Variants in RFTN1 observed in about 807,000 individuals in gnomAD.
RFTN1 encodes the protein raftlin.
A neutral mutation model predicts 46.5 loss-of-function variants in RFTN1; 26 were observed. The ratio of observed to expected loss-of-function variants is 0.56; its 90% confidence interval spans 0.41 to 0.78. The LOEUF (loss-of-function observed/expected upper bound fraction) is 0.78, where lower values mean the gene tolerates loss of function less well. Ranked by LOEUF, RFTN1 falls within the 30% of genes least tolerant of loss-of-function variation. The pLI is 0.00. For synonymous variants in RFTN1, 261 were observed against 284.2 expected (o/e 0.92, Z 0.82); for missense variants, 693 against 718.7 (o/e 0.96, Z 0.41).
intron 6 of RFTN1, among the ~76,000 whole-genome samples, chr3:16,367,369 G>A (rs549408639): frequency 1.1e-3 from 166 of 152,214 alleles, no homozygotes; most frequent in African/African-American, 3.8e-3. Flanking sequence ...GAGCAGAAAC[G>A]CCCTAACCCA....
In RFTN1 at chr3:16,404,072, TTATA is replaced by T. The variant is rs1243180679; in HGVS notation, c.441+5299_441+5302del. 1.8e-3 allele frequency among the ~76,000 whole-genome samples: 11 copies of T among 6,230 alleles called. 2 individuals are homozygous for T. In the Admixed American group the frequency reaches 0.02, roughly 11 times the overall value. 4.1% of individuals were successfully genotyped at this position (6,230 alleles called of 152,430 possible). ...ATATATATATTATATTTTATATATATTATATATATATTTTATATATTATATATTA... is the reference window on the plus strand; with the variant it reads ...ATATATATATTATATTTTATATATATTATATATTTTATATATTATATATTA... On this transcript the variant is annotated intron_variant, in intron 4 of 9. Transcript: ENST00000334133.
At chr3:16,408,393 A>G (rs1446350383) in intron 4 of RFTN1, among the ~76,000 whole-genome samples, 1 of 152,100 alleles carries the variant, frequency 6.6e-6, no homozygotes, top group Non-Finnish European at 1.5e-5. Context: ...ACAGCTGACA[A>G]TATTTATTAA....
rs903996593 is a variant in RFTN1 at position 16,334,164 on chromosome 3, CAAAACA to C, written c.1147-7294_1147-7289del. 5.3e-5 allele frequency among the ~76,000 whole-genome samples: 8 copies of C among 151,800 alleles called. No individual in the cohort carries two copies. Among genetic ancestry groups the C allele is most frequent in the African/African-American group, 1.7e-4 (7 of 41,290 alleles). On this transcript the variant is annotated intron_variant, in intron 7 of 9. Coordinates refer to ENST00000334133, the MANE Select transcript of RFTN1 (RefSeq NM_015150.2). This position sits in a 1 kb window ranked among gnomAD's most constrained non-coding sequence, Gnocchi z 4.3. ...TGGGCGACAGAGCAAGACTCTGTCT[CAAAACA>C]AAAACAAAAACAAAAAACAACAACA...
intron 7 of RFTN1, among the ~76,000 whole-genome samples, chr3:16,332,742 CTCTA>C (rs1441838209): frequency 2.6e-5 from 4 of 152,154 alleles, no homozygotes; most frequent in African/African-American, 9.7e-5. Context: ...AGTTAGATTC[CTCTA>C]TCTACTTTCC....
Position 16,407,491 on chromosome 3 carries a change from C to CTTTT in RFTN1, c.441+1883_441+1884insAAAA, listed in dbSNP as rs2074886821. ...TACCAGCTGAGCCACTGTGCCCAGC[C>CTTTT]TCAAATCACATGTTTTTAAAAAGCA... is the stretch of plus-strand genomic sequence containing the variant. On this transcript the variant is annotated intron_variant, in intron 4 of 9. Transcript: ENST00000334133. This position sits in a 1 kb window ranked among gnomAD's most constrained non-coding sequence, Gnocchi z 4.0. 6.6e-6 allele frequency among the ~76,000 whole-genome samples: 1 copy of CTTTT among 152,172 alleles called. No individual in the cohort carries two copies. The highest frequency in any genetic ancestry group is 1.5e-5 in the Non-Finnish European group (1 of 68,042).
Position 16,321,761 on chromosome 3 carries a change from C to T in RFTN1, c.1332+1615G>A, listed in dbSNP as rs1169271729. 6.6e-6 allele frequency among the ~76,000 whole-genome samples: 1 copy of T among 152,212 alleles called. No individual in the cohort carries two copies. The highest frequency in any genetic ancestry group is 1.5e-5 in the Non-Finnish European group (1 of 68,030). On this transcript the variant is annotated intron_variant, in intron 9 of 9. Transcript: ENST00000334133. The surrounding 1 kb of genome is among the most constrained non-coding windows in gnomAD (Gnocchi z 4.8). Reference sequence around the variant, plus strand: ...AGCTGCTTGGGATTAGAAGTTTTTACTGACTGAAAAAACAGTGGGTCCCAT... The same window carrying T: ...AGCTGCTTGGGATTAGAAGTTTTTATTGACTGAAAAAACAGTGGGTCCCAT...
intron 6 of RFTN1, among the ~76,000 whole-genome samples, chr3:16,365,526 G>A (rs1376146257): frequency 6.6e-6 from 1 of 152,076 alleles, no homozygotes; most frequent in African/African-American, 2.4e-5. Context: ...GATATGCTAG[G>A]TGTCAAAAAA....
chr3:16,423,359 G>C (rs1412943382), intron 3 of RFTN1, among the ~76,000 whole-genome samples: 1 of 152,092 alleles, frequency 6.6e-6, no homozygotes, highest in Non-Finnish European at 1.5e-5. Context: ...ACAATGTACA[G>C]GACAGTCCCA....
chr3:16,419,006 CTT>C (rs908182004), intron 3 of RFTN1, among the ~76,000 whole-genome samples: 11 of 152,234 alleles, frequency 7.2e-5, no homozygotes, highest in African/African-American at 2.6e-4. Flanking sequence ...TGGGCTGAGT[CTT>C]TGAGTCTGTA....
chr3:16,487,483 G>A (rs2076467768), intron 2 of RFTN1, among the ~76,000 whole-genome samples: 1 of 152,242 alleles, frequency 6.6e-6, no homozygotes, highest in South Asian at 2.1e-4. Context: ...GCAGTCACCA[G>A]CCACACATGG....
rs1182719348 is a variant in RFTN1, at chr3:16,356,504, G to A, written c.1146+1428C>T. ...TCAGACGCAGGTATGCCCCCCAACA[G>A]CCTTGCTCCTCACTTCACGTGTGCT... On this transcript the variant is annotated intron_variant, in intron 7 of 9. Transcript: ENST00000334133. The surrounding 1 kb of genome is among the most constrained non-coding windows in gnomAD (Gnocchi z 4.9). Among the ~76,000 whole-genome samples, 3 of 152,110 alleles carry A rather than the reference G, an allele frequency of 2.0e-5. No individual in the cohort carries two copies. The East Asian group carries it at 5.8e-4, about 29-fold the overall frequency.
rs1451701612 is a variant in RFTN1 at position 16,385,069 on chromosome 3, C to T, written c.442-6967G>A. ...CTCCGGCCCTCCCTCATAACTCACA[C>T]GCCCCCGATCCGTGACAACATAGCA... is the stretch of plus-strand genomic sequence containing the variant. On this transcript the variant is annotated intron_variant, in intron 4 of 9. Transcript: ENST00000334133. The surrounding 1 kb of genome is among the most constrained non-coding windows in gnomAD (Gnocchi z 5.0). Among the ~76,000 whole-genome samples the T allele has an allele frequency of 2.6e-5, 4 of 152,330 alleles. No homozygotes were observed. The highest frequency in any genetic ancestry group is 6.5e-5 in the Admixed American group (1 of 15,304).
chr3:16,377,782 C>A lies in RFTN1; in HGVS notation c.762G>T (p.Val254=). The change falls in exon 5 of 10, where the codon GTG becomes GTT. Residue 254 remains valine (V), a synonymous_variant. Transcript: ENST00000334133. ...GDGGELSPQG[V]SKTLDGPESN... is the part of the protein sequence containing the mutation. ...TCTCCGGTCCATCCAGTGTCTTGCT[C>A]ACCCCCTGTGGTGAAAGTTCTCCAC... The A allele has an allele frequency of 6.2e-7, 1 of 1,614,036 alleles. No homozygotes were observed. Among genetic ancestry groups the A allele is most frequent in the Non-Finnish European group, 8.5e-7 (1 of 1,179,930 alleles).
chr3:16,330,451 G>A (rs1230775730), intron 7 of RFTN1, among the ~76,000 whole-genome samples: 2 of 152,204 alleles, frequency 1.3e-5, no homozygotes, highest in Non-Finnish European at 2.9e-5. Flanking sequence ...AAACATATCC[G>A]GATGGAAGGC....
rs13083266 is a variant in RFTN1 at position 16,335,643 on chromosome 3, G to A, written c.1147-8767C>T. 0.081 allele frequency among the ~76,000 whole-genome samples: 12,382 copies of A among 152,182 alleles called. 659 individuals carry two copies. The highest frequency in any genetic ancestry group is 0.15 in the East Asian group (796 of 5,180). ...CCTGTTGGAGGTGTGGGAGGAGGGA[G>A]AGCATCAGGAAAAATAGCTAATGGA... On this transcript the variant is annotated intron_variant, in intron 7 of 9. Transcript: ENST00000334133. This position sits in a 1 kb window ranked among gnomAD's most constrained non-coding sequence, Gnocchi z 4.7.
chr3:16,394,209 A>G (rs573296168), intron 4 of RFTN1, among the ~76,000 whole-genome samples: 3 of 145,244 alleles, frequency 2.1e-5, no homozygotes, highest in Admixed American at 6.7e-5. Context: ...CCATCTCTAT[A>G]AAAAAAATCT....
At chr3:16,378,395 T>C in intron 4 of RFTN1, among the ~76,000 whole-genome samples, 1 of 109,308 alleles carries the variant, frequency 9.1e-6, no homozygotes, top group East Asian at 2.8e-4. Context: ...CTTATTAACA[T>C]TTTTTAAAGA....
In RFTN1 at chr3:16,323,395, A is replaced by G; in HGVS notation, c.1313T>C (p.Ile438Thr). 2 of 1,610,438 alleles carry G rather than the reference A, an allele frequency of 1.2e-6. No individual in the cohort carries two copies. Among genetic ancestry groups the G allele is most frequent in the Non-Finnish European group, 1.7e-6 (2 of 1,176,880 alleles). ...FLQRPCLPQKIKKKESKFQWR... is the reference protein window; with the variant it reads ...FLQRPCLPQKTKKKESKFQWR... ...TCTTACCTTCGATTCCTTCTTCTTG[A>G]TTTTCTGAGGTAGACAAGGTCTCTG... The change falls in exon 9 of 10, where the codon ATC becomes ACC. Residue 438 changes from isoleucine to threonine, a missense_variant. By Grantham distance (89) the Ile-to-Thr change is moderately conservative (BLOSUM62 -1). Coordinates refer to ENST00000334133, the MANE Select transcript of RFTN1 (RefSeq NM_015150.2).
In RFTN1 at chr3:16,341,260, A is replaced by C. The variant is rs1295969346; in HGVS notation, c.1147-14384T>G. Among the ~76,000 whole-genome samples, 1 of 152,190 alleles carries C rather than the reference A, an allele frequency of 6.6e-6. No homozygotes were observed. The highest frequency in any genetic ancestry group is 1.5e-5 in the Non-Finnish European group (1 of 68,022). On this transcript the variant is annotated intron_variant, in intron 7 of 9. Transcript: ENST00000334133. This position sits in a 1 kb window ranked among gnomAD's most constrained non-coding sequence, Gnocchi z 4.7. ...AGACAGTTTGGCAGTTTCTTACAAA[A>C]CTAGACATACTTTACAATATGATCC... is the stretch of plus-strand genomic sequence containing the variant.
Sources: allele counts gnomAD v4.1 joint callset (sites outside exome capture counted in the v4.1 genomes callset), GRCh38; gene constraint gnomAD v4.1.1; non-coding constraint Gnocchi (gnomAD v3.1); transcripts MANE v1.5; gene names NCBI Gene and HGNC (gene_info 2026-07-23, HGNC 2026-07-21).